WDR90: variants seen among roughly 807,000 people sequenced by gnomAD.
The protein encoded by WDR90 is WD repeat-containing protein 90.
A neutral mutation model predicts 195.2 loss-of-function variants in WDR90; 238 were observed. That is an observed-to-expected ratio of 1.22 (90% CI 1.10 to 1.36). The LOEUF (loss-of-function observed/expected upper bound fraction) is 1.36. Among genes scored for constraint, WDR90 ranks in the 40% most tolerant of loss-of-function variants. The pLI, the probability that WDR90 is intolerant of heterozygous loss-of-function variation, is 0.00. For missense variants in WDR90, 2,734 were observed against 2,439.5 expected (o/e 1.12, Z -2.54); for synonymous variants, 1,265 against 1,052.4 (o/e 1.20, Z -3.91).
chr16:666,005 G>T lies in WDR90; in HGVS notation c.4490G>T (p.Arg1497Leu), dbSNP rs368243189. 6.9e-6 allele frequency: 11 copies of T among 1,604,120 alleles called. No homozygotes were observed. The highest frequency in any genetic ancestry group is 1.3e-5 in the African/African-American group (1 of 75,042). ...PPCCGRPEQQ[R>L]LAAGYGDGSL... ...TGCTGTGGCCGCCCTGAGCAGCAGC[G>T]GCTAGCGGCTGGCTACGGTGACGGC... The change falls in exon 36 of 41, where the codon CGG (arginine) becomes CTG (leucine). Residue 1497 changes from arginine to leucine, a missense_variant. Physicochemically the swap from Arg to Leu is moderately radical, Grantham distance 102. Transcript: ENST00000293879.
At chr16:663,030 G>A (rs1045952613) in intron 34 of WDR90, 186 bp downstream of exon 34, 4 of 896,242 alleles carry the variant, frequency 4.5e-6, no homozygotes, top group Non-Finnish European at 7.1e-6. Flanking sequence ...TCCCGGTTGT[G>A]TCTGCACAAG....
chr16:662,170 G>A (rs935564695), intron 32 of WDR90, 50 bp from the exon 33 acceptor site: 1 of 1,520,372 alleles, frequency 6.6e-7, no homozygotes, highest in East Asian at 2.4e-5. Flanking sequence ...TTGTGACCCA[G>A]GGCCTCTGGG....
chr16:655,032 G>T lies in WDR90; in HGVS notation c.1441G>T (p.Val481Leu), dbSNP rs776138036. The T allele has an allele frequency of 6.2e-7, 1 of 1,612,462 alleles. No homozygotes were observed. The highest frequency in any genetic ancestry group is 8.5e-7 in the Non-Finnish European group (1 of 1,179,698). The part of the protein sequence containing the change: ...VGKDHHGRTM[V>L]VAWGTGQVGL... ...GCTCAGCCTGGGCTTGTTGCAGATG[G>T]TGGTGGCCTGGGGCACCGGCCAGGT... Residue 481 changes from valine to leucine, a missense_variant, in exon 14 of 41, where the codon GTG (valine) becomes TTG (leucine). By Grantham distance (32) the Val-to-Leu change is conservative. Transcript: ENST00000293879.
At chr16:649,147 C>T, upstream of WDR90, 1 of 379,904 alleles carries the variant, frequency 2.6e-6, no homozygotes. Flanking sequence ...GCAACCGGCG[C>T]GGGCTTCGAA....
chr16:665,460 T>G, intron 34 of WDR90: 1 of 664,394 alleles, frequency 1.5e-6, no homozygotes, highest in Non-Finnish European at 2.6e-6. Flanking sequence ...CGGGTTTGAC[T>G]GGCTAGTGGG....
In WDR90 at chr16:662,854, T is replaced by C; in HGVS notation, c.4311+10T>C. ...TGGCCACAGGAGCAAGGTGAGGGAC[T>C]TCCAGCCTGGGCAGAGGCGGGGCAG... On this transcript the variant is annotated intron_variant, in intron 34 of 40. Coordinates refer to ENST00000293879, the MANE Select transcript of WDR90 (RefSeq NM_145294.5). 1 of 1,550,092 alleles carries C rather than the reference T, an allele frequency of 6.5e-7. No homozygotes were observed. Among genetic ancestry groups the C allele is most frequent in the Non-Finnish European group, 8.7e-7 (1 of 1,151,692 alleles).
chr16:660,983 T>TGCCCCCCCCCC, intron 28 of WDR90, 68 bp from the exon 29 acceptor site: 1 of 22,848 alleles, frequency 4.4e-5, no homozygotes. Context: ...GTTCGGCCCC[T>TGCCCCCCCCCC]CCCCAGGCCC....
intron 5 of WDR90, 25 bp from the exon 6 acceptor site, chr16:650,970 C>T (rs2076142): frequency 0.27 from 431,924 of 1,609,980 alleles, 66,030 homozygotes; most frequent in East Asian, 0.68. Flanking sequence ...CCTCCCTTGA[C>T]CTGGAACAAC....
chr16:659,011 G>A lies in WDR90; in HGVS notation c.3011G>A (p.Ser1004Asn), dbSNP rs1190781521. ...TGGGATGTCCTGGCCCCTACTGAGA[G>A]GCAAGTGCCTACTCTCAGCTGTGTC... ...FLWDVLAPTE[S>N]DQSFPGAPPA... The change falls in exon 24 of 41, where the codon AGC (serine) becomes AAC (asparagine). Residue 1004 changes from serine to asparagine, a missense_variant and splice_region_variant. Physicochemically the swap from Ser to Asn is conservative, Grantham distance 46. Coordinates refer to ENST00000293879, the MANE Select transcript of WDR90 (RefSeq NM_145294.5). The A allele has an allele frequency of 1.2e-6, 2 of 1,613,064 alleles. No homozygotes were observed. The highest frequency in any genetic ancestry group is 1.7e-5 in the Admixed American group (1 of 59,988).
chr16:650,612 C>G lies in WDR90; in HGVS notation c.462C>G (p.Val154=). The G allele has an allele frequency of 6.2e-7, 1 of 1,612,810 alleles. No individual in the cohort carries two copies. Among genetic ancestry groups the G allele is most frequent in the Non-Finnish European group, 8.5e-7 (1 of 1,179,942 alleles). ...TCGATCTGCAGGACGTTCTCCTGGT[C>G]TACCTGAACCGGTGCTACGGCCATC... is the stretch of plus-strand genomic sequence containing the variant. The part of the protein sequence containing the change: ...LQLDLQDVLL[V]YLNRCYGHLK... Residue 154 remains valine (V), a synonymous_variant, in exon 5 of 41, where the codon GTC becomes GTG. Transcript: ENST00000293879.
At chr16:667,342 T>C in intron 40 of WDR90, 90 bp from the exon 41 acceptor site, 10 of 1,492,988 alleles carry the variant, frequency 6.7e-6, no homozygotes, top group Non-Finnish European at 9.0e-6. Context: ...ACCAGCATCA[T>C]GCCCAGTGGG....
rs1293332070 is a variant in WDR90, at chr16:662,271, G to A, written c.4085G>A (p.Arg1362Gln). The change falls in exon 33 of 41, where the codon CGG becomes CAG. Residue 1362 changes from arginine (R) to glutamine (Q), a missense_variant. Arg to Gln is a conservative substitution (Grantham distance 43). Coordinates refer to ENST00000293879, the MANE Select transcript of WDR90 (RefSeq NM_145294.5). Reference sequence around the variant, plus strand: ...TTGGTCAGCGGCAGCAGCACGGGGCGGCTGCGCCTGTGGGCCGTGGGGGCT... The same window carrying A: ...TTGGTCAGCGGCAGCAGCACGGGGCAGCTGCGCCTGTGGGCCGTGGGGGCT... ...SRLVSGSSTG[R>Q]LRLWAVGAVS... The A allele has an allele frequency of 1.8e-5, 28 of 1,585,872 alleles. No individual in the cohort carries two copies. The highest frequency in any genetic ancestry group is 3.6e-5 in the Admixed American group (2 of 56,082).
chr16:658,207 CTG>C lies in WDR90; in HGVS notation c.2630_2631del (p.Leu877ArgfsTer52), dbSNP rs1443701907. The C allele has an allele frequency of 2.5e-6, 4 of 1,611,830 alleles. No homozygotes were observed. The highest frequency in any genetic ancestry group is 3.4e-6 in the Non-Finnish European group (4 of 1,179,518). On this transcript the variant is annotated frameshift_variant, in exon 22 of 41. Transcript: ENST00000293879. LOFTEE classifies it high-confidence loss of function. ...GCTGCTGCGAGTTGACATCGGCACT[CTG>C]GACCTGGCCAGCAGCCGCCTGGACT... Reference protein sequence around the residue: ...DELLRVDIGTLDLASSRLDSA... With the variant: ...DELLRVDIGTXDLASSRLDSA...
Position 661,625 on chromosome 16 carries a change from G to A in WDR90, c.3702G>A (p.Leu1234=). Residue 1234 remains leucine (L), a synonymous_variant, in exon 31 of 41, where the codon CTG becomes CTA. Transcript: ENST00000293879. Reference sequence around the variant, plus strand: ...ACCACGATGGCCGCACCCTCGCCCTGTGGGGCACGGCCACCTATGACCTCG... The same window carrying A: ...ACCACGATGGCCGCACCCTCGCCCTATGGGGCACGGCCACCTATGACCTCG... ...LGDHDGRTLA[L]WGTATYDLVS... is the part of the protein sequence containing the mutation. 1.2e-6 allele frequency: 2 copies of A among 1,601,354 alleles called. No homozygotes were observed. Among genetic ancestry groups the A allele is most frequent in the South Asian group, 2.2e-5 (2 of 89,790 alleles).
At chr16:655,513 C>G in intron 15 of WDR90, 45 bp downstream of exon 15, 5 of 1,542,142 alleles carry the variant, frequency 3.2e-6, no homozygotes, top group Non-Finnish European at 4.4e-6. Flanking sequence ...CATGGGGGCC[C>G]TGGTGCCTGG....
Position 657,067 on chromosome 16 carries a change from G to A in WDR90, c.2343-24G>A, listed in dbSNP as rs2037771924. On this transcript the variant is annotated intron_variant, in intron 19 of 40. Coordinates refer to ENST00000293879, the MANE Select transcript of WDR90 (RefSeq NM_145294.5). ...TACCTGGGCTTCGGGGCTAGGGCCAGCGGGGTCCCTGTGTGTGCTGCAGGT... is the reference window on the plus strand; with the variant it reads ...TACCTGGGCTTCGGGGCTAGGGCCAACGGGGTCCCTGTGTGTGCTGCAGGT... 21 of 1,594,730 alleles carry A rather than the reference G, an allele frequency of 1.3e-5. No homozygotes were observed. In the East Asian group the frequency reaches 4.8e-4, roughly 36 times the overall value.
At chr16:657,295 T>G (rs6600229) in intron 20 of WDR90, 74 bp downstream of exon 20, 725,898 of 1,453,088 alleles carry the variant, frequency 0.5, 189,383 homozygotes, top group East Asian at 0.98. Context: ...GGCCCACACC[T>G]GGACACACAT....
chr16:653,795 G>C lies in WDR90; in HGVS notation c.1429G>C (p.Gly477Arg). The change falls in exon 13 of 41, where the codon GGG becomes CGG. Residue 477 changes from glycine (G) to arginine (R), a missense_variant. Physicochemically the swap from Gly to Arg is moderately radical, Grantham distance 125. Coordinates refer to ENST00000293879, the MANE Select transcript of WDR90 (RefSeq NM_145294.5). ...CTGCGGGGTTGGCAAGGACCACCAC[G>C]GGAGGACGGTAACAGGGCCCTGGCT... The part of the protein sequence containing the change: ...LLCGVGKDHH[G>R]RTMVVAWGTG... 1 of 1,613,192 alleles carries C rather than the reference G, an allele frequency of 6.2e-7. No homozygotes were observed. Among genetic ancestry groups the C allele is most frequent in the Non-Finnish European group, 8.5e-7 (1 of 1,179,968 alleles).
intron 5 of WDR90, 114 bp downstream of exon 5, chr16:650,823 A>T: frequency 6.7e-7 from 1 of 1,502,456 alleles, no homozygotes; most frequent in Non-Finnish European, 9.0e-7. Flanking sequence ...GCTGTCTCTG[A>T]GCTCTGGCCA....
Sources: allele counts gnomAD v4.1 joint callset, GRCh38; gene constraint gnomAD v4.1.1; transcripts MANE v1.5; gene names NCBI Gene and HGNC (gene_info 2026-07-23, HGNC 2026-07-21).